Variants in LRP8 observed in about 807,000 individuals in gnomAD.
LRP8 encodes low-density lipoprotein receptor-related protein 8.
A neutral mutation model predicts 111.6 loss-of-function variants in LRP8; 46 were observed. That is an observed-to-expected ratio of 0.41 (90% CI 0.33 to 0.53). The LOEUF is 0.53. LRP8 is among the 20% of genes least tolerant of loss of function. LRP8 has a pLI of 0.20. For missense variants in LRP8, 959 were observed against 1,297.4 expected, an observed-to-expected ratio of 0.74 and a Z score of 4.01; for synonymous variants, 464 against 511.2, an observed-to-expected ratio of 0.91 and a Z score of 1.24.
intron 2 of LRP8, among the ~76,000 whole-genome samples, chr1:53,301,658 G>A (rs1650899870): frequency 6.6e-6 from 1 of 151,910 alleles, no homozygotes; most frequent in Non-Finnish European, 1.5e-5. Flanking sequence ...TTGAGCCCGG[G>A]AGGTTGAGGC....
intron 3 of LRP8, among the ~76,000 whole-genome samples, chr1:53,281,068 T>G (rs547758382): frequency 8.5e-5 from 13 of 152,208 alleles, no homozygotes; most frequent in Non-Finnish European, 1.9e-4. Flanking sequence ...CCCTGCACTC[T>G]TCTCTGCCAT....
chr1:53,252,454 T>A (rs1645928377), intron 16 of LRP8, among the ~76,000 whole-genome samples: 1 of 152,152 alleles, frequency 6.6e-6, no homozygotes, highest in Non-Finnish European at 1.5e-5. Context: ...GAGAATCCCT[T>A]GAGCCCAGGA....
At chr1:53,298,963 G>A (rs2782500) in intron 2 of LRP8, among the ~76,000 whole-genome samples, 26,636 of 152,276 alleles carry the variant, frequency 0.17, 2,628 homozygotes, top group Admixed American at 0.29. Flanking sequence ...GTGACAAGGG[G>A]CAGGCCTCTC....
At chr1:53,289,172 C>A (rs1383664237) in intron 3 of LRP8, among the ~76,000 whole-genome samples, 2 of 152,204 alleles carry the variant, frequency 1.3e-5, no homozygotes, top group African/African-American at 4.8e-5. Context: ...TTATCAAAGG[C>A]ATTAATGCAC....
At chr1:53,287,717 A>G (rs1418659706) in intron 3 of LRP8, among the ~76,000 whole-genome samples, 1 of 152,172 alleles carries the variant, frequency 6.6e-6, no homozygotes, top group African/African-American at 2.4e-5. Flanking sequence ...CAACTGTGAA[A>G]AGCGGGCCTG....
At position 53,257,421 on chromosome 1, in the gene LRP8, C is replaced by T. The variant is rs199523318; in HGVS notation, c.2253G>A (p.Thr751=). Residue 751 remains threonine, a synonymous_variant, in exon 15 of 19, where the codon ACG becomes ACA. Transcript: ENST00000306052. ...CTCTTGTGGTGGCAGGTACTGTCCT[C>T]GTCATGGTAGAAGCTAACGTCGTAG... is the stretch of plus-strand genomic sequence containing the variant. ...TSTTTLASTM[T]RTVPATTRAP... is the part of the protein sequence containing the mutation. 4.2e-5 allele frequency: 68 copies of T among 1,614,004 alleles called. No individual in the cohort carries two copies. Among genetic ancestry groups the T allele is most frequent in the Middle Eastern group, 3.3e-4 (2 of 6,062 alleles).
chr1:53,262,302 C>T lies in LRP8; in HGVS notation c.1775-95G>A. On this transcript the variant is annotated intron_variant, in intron 11 of 18. Coordinates refer to ENST00000306052, the MANE Select transcript of LRP8 (RefSeq NM_004631.5). The surrounding 1 kb of genome is among the most constrained non-coding windows in gnomAD (Gnocchi z 4.8). ...TCCCTGCCCACATTTCTAGGCCTCA[C>T]ACTGAGGCCAGCCTACGGCAACCAT... is the stretch of plus-strand genomic sequence containing the variant. 6.5e-7 allele frequency: 1 copy of T among 1,542,006 alleles called. No homozygotes were observed. The highest frequency in any genetic ancestry group is 8.9e-7 in the Non-Finnish European group (1 of 1,124,756).
intron 13 of LRP8, among the ~76,000 whole-genome samples, chr1:53,258,742 T>TA (rs1491216832): frequency 2.0e-5 from 2 of 101,168 alleles, no homozygotes; most frequent in Admixed American, 1.9e-4. Context: ...TAATGTGTAA[T>TA]TTTTTTTTTT....
At chr1:53,280,129 T>TC (rs1403442363) in intron 4 of LRP8, among the ~76,000 whole-genome samples, 3 of 152,036 alleles carry the variant, frequency 2.0e-5, no homozygotes, top group African/African-American at 7.3e-5. Context: ...TCCGTCCCCC[T>TC]CCCCCCAGCA....
At position 53,266,091 on chromosome 1, in the gene LRP8, G is replaced by A. The variant is rs1267131156; in HGVS notation, c.1427+382C>T. On this transcript the variant is annotated intron_variant, in intron 9 of 18. Coordinates refer to ENST00000306052, the MANE Select transcript of LRP8 (RefSeq NM_004631.5). This position sits in a 1 kb window ranked among gnomAD's most constrained non-coding sequence, Gnocchi z 5.0. ...CACTGTGTTGTGAGTGGGATCCTCT[G>A]GGCAGGGACCAGGTCTAAGTCCCCA... Among the ~76,000 whole-genome samples, 1 of 152,190 alleles carries A rather than the reference G, an allele frequency of 6.6e-6. No homozygotes were observed. The highest frequency in any genetic ancestry group is 2.4e-5 in the African/African-American group (1 of 41,434).
chr1:53,299,336 C>T (rs925304760), intron 2 of LRP8, among the ~76,000 whole-genome samples: 1 of 152,204 alleles, frequency 6.6e-6, no homozygotes, highest in African/African-American at 2.4e-5. Flanking sequence ...CACTAGGAAG[C>T]AGCCCTGGCT....
chr1:53,311,586 C>A (rs1190830301), intron 2 of LRP8, among the ~76,000 whole-genome samples: 1 of 151,844 alleles, frequency 6.6e-6, no homozygotes, highest in African/African-American at 2.4e-5. Flanking sequence ...CTGCGTGGAC[C>A]CTCCCTGCCC....
intron 2 of LRP8, among the ~76,000 whole-genome samples, chr1:53,299,069 C>T (rs1650302535): frequency 6.6e-6 from 1 of 152,200 alleles, no homozygotes; most frequent in Admixed American, 6.5e-5. Flanking sequence ...CCGAGGGATT[C>T]AAGAACCCAC....
At chr1:53,272,633 G>C in intron 6 of LRP8, 2 of 1,289,640 alleles carry the variant, frequency 1.6e-6, no homozygotes, top group Non-Finnish European at 2.0e-6. Flanking sequence ...TCCCAGGAAT[G>C]TTGGCGGAAC....
intron 18 of LRP8, among the ~76,000 whole-genome samples, chr1:53,248,924 T>C (rs1466699358): frequency 6.6e-6 from 1 of 152,248 alleles, no homozygotes; most frequent in Non-Finnish European, 1.5e-5. Flanking sequence ...ATTCTCATTT[T>C]ACAAATAACA....
intron 1 of LRP8, 83 bp downstream of exon 1, chr1:53,327,706 C>A (rs1655345568): frequency 2.1e-5 from 28 of 1,352,832 alleles, no homozygotes; most frequent in Non-Finnish European, 2.7e-5. Context: ...GGGTTCTGGA[C>A]CCCTCCCCGC....
In LRP8 at chr1:53,245,558, T is replaced by G. The variant is rs1061370; in HGVS notation, c.*1460A>C. ...CATCTATACATATACCCGGAGTTTTTCCTTTTATTTACAAAGCAGTAAACC... is the reference window on the plus strand; with the variant it reads ...CATCTATACATATACCCGGAGTTTTGCCTTTTATTTACAAAGCAGTAAACC... On this transcript the variant is annotated 3_prime_UTR_variant, in exon 19 of 19. Transcript: ENST00000306052. The G allele has an allele frequency of 6.6e-6, 1 of 152,186 alleles. No individual in the cohort carries two copies. Among genetic ancestry groups the G allele is most frequent in the African/African-American group, 2.4e-5 (1 of 41,432 alleles). The allele number at this position is 152,186 out of a possible 1,614,324, so 9.4% of individuals were successfully genotyped here.
At chr1:53,281,503 G>A (rs111939903) in intron 3 of LRP8, among the ~76,000 whole-genome samples, 3,866 of 152,320 alleles carry the variant, frequency 0.025, 189 homozygotes, top group African/African-American at 0.087. Context: ...GCCTTCCAGG[G>A]TGTGCAGGAG....
At chr1:53,311,122 G>A (rs1386631337) in intron 2 of LRP8, among the ~76,000 whole-genome samples, 15 of 152,106 alleles carry the variant, frequency 9.9e-5, no homozygotes, top group Admixed American at 7.9e-4. Context: ...CATGCCCTCC[G>A]GTATCCCGGG....
Sources: gnomAD v4.1 joint callset for allele counts (sites outside exome capture counted in the v4.1 genomes callset) on GRCh38, gnomAD v4.1.1 for gene constraint, Gnocchi (gnomAD v3.1) non-coding constraint, MANE v1.5 for transcripts, NCBI Gene and HGNC (gene_info 2026-07-23, HGNC 2026-07-21) for gene names.